Variants in FLRT2 observed in about 807,000 individuals in gnomAD.
FLRT2 encodes fibronectin leucine rich transmembrane protein 2, also known as leucine-rich repeat transmembrane protein FLRT2.
In FLRT2, 15 loss-of-function variants were observed where a neutral mutation model predicts 40.0. That is an observed-to-expected ratio of 0.38 (90% CI 0.25 to 0.58). The LOEUF (loss-of-function observed/expected upper bound fraction) is 0.58. Among genes scored for constraint, FLRT2 ranks in the 20% least tolerant of loss-of-function variants. FLRT2 has a pLI of 0.71. For synonymous variants in FLRT2, 380 were observed against 336.8 expected (o/e 1.13, Z -1.41); for missense variants, 726 against 840.0 (o/e 0.86, Z 1.68).
chr14:85,535,016 T>C (rs895326110), intron 1 of FLRT2, among the ~76,000 whole-genome samples: 15 of 152,202 alleles, frequency 9.9e-5, no homozygotes, highest in Non-Finnish European at 1.9e-4. Context: ...TTGTAAAGCT[T>C]ACAGTTAGCT....
chr14:85,613,775 C>T (rs1893003143), intron 1 of FLRT2, among the ~76,000 whole-genome samples: 1 of 152,118 alleles, frequency 6.6e-6, no homozygotes, highest in African/African-American at 2.4e-5. Context: ...AGGAGCAGGC[C>T]CTGCAGCCCA....
At chr14:85,532,259 C>T (rs1230356346) in intron 1 of FLRT2, among the ~76,000 whole-genome samples, 1 of 152,166 alleles carries the variant, frequency 6.6e-6, no homozygotes, top group Non-Finnish European at 1.5e-5. Context: ...GCCCCACCGA[C>T]GGCGCGTCTC....
chr14:85,533,312 C>T (rs1888406365), intron 1 of FLRT2, among the ~76,000 whole-genome samples: 1 of 152,056 alleles, frequency 6.6e-6, no homozygotes, highest in Non-Finnish European at 1.5e-5. Context: ...GTGGGGGCCG[C>T]GGCGCCTACA....
rs71120531 is a variant in FLRT2, at chr14:85,633,633, TAA to T, written c.*10152_*10153del. ...GGGCAATGCAGTGAGACCCTATCTC[TAA>T]AAAAAAAAAAAAAAATTAGCCAGGA... On this transcript the variant is annotated 3_prime_UTR_variant, in exon 2 of 2. Coordinates refer to ENST00000330753, the MANE Select transcript of FLRT2 (RefSeq NM_013231.6). The T allele has an allele frequency of 1.0e-3, 144 of 138,504 alleles. No homozygotes were observed. The highest frequency in any genetic ancestry group is 3.7e-3 in the Middle Eastern group (1 of 268). 8.6% of individuals were successfully genotyped at this position (138,504 alleles called of 1,614,324 possible).
rs1436445889 is a variant in FLRT2 at position 85,652,813 on chromosome 14, T to C, written c.*29316T>C. The C allele has an allele frequency of 6.7e-6, 1 of 148,652 alleles. No homozygotes were observed. Among genetic ancestry groups the C allele is most frequent in the African/African-American group, 2.4e-5 (1 of 41,340 alleles). The allele number at this position is 148,652 out of a possible 1,614,324, so 9.2% of individuals were successfully genotyped here. A position where few individuals can be genotyped will look rare whatever the true frequency, so the allele number is the denominator to read the frequency against. Reference sequence around the variant, plus strand: ...TTTCTTTTTCTATTATTTAAAAAAGTTTTTGCTTGGCAAATCTTCCCCTCT... The same window carrying C: ...TTTCTTTTTCTATTATTTAAAAAAGCTTTTGCTTGGCAAATCTTCCCCTCT... On this transcript the variant is annotated 3_prime_UTR_variant, in exon 2 of 2. Coordinates refer to ENST00000330753, the MANE Select transcript of FLRT2 (RefSeq NM_013231.6).
At chr14:85,618,250 T>TG (rs1442705820) in intron 1 of FLRT2, among the ~76,000 whole-genome samples, 17 of 152,218 alleles carry the variant, frequency 1.1e-4, no homozygotes, top group Non-Finnish European at 2.2e-4. Flanking sequence ...TATAAGACAA[T>TG]GTAGAAGTAT....
In FLRT2 at chr14:85,638,945, ATTCT is replaced by A. The variant is rs1236877799; in HGVS notation, c.*15451_*15454del. 1.3e-5 allele frequency: 2 copies of A among 152,266 alleles called. No individual in the cohort carries two copies. The highest frequency in any genetic ancestry group is 2.9e-5 in the Non-Finnish European group (2 of 68,046). 9.4% of individuals were successfully genotyped at this position (152,266 alleles called of 1,614,324 possible). A position where few individuals can be genotyped will look rare whatever the true frequency, so the allele number is the denominator to read the frequency against. ...GCAAACAAAAGTTAGCTAATAATCA[ATTCT>A]TTGAACGAAGCCCAGTGAAACCAAG... On this transcript the variant is annotated 3_prime_UTR_variant, in exon 2 of 2. Coordinates refer to ENST00000330753, the MANE Select transcript of FLRT2 (RefSeq NM_013231.6).
At chr14:85,582,831 C>G (rs1303367528) in intron 1 of FLRT2, among the ~76,000 whole-genome samples, 1 of 151,748 alleles carries the variant, frequency 6.6e-6, no homozygotes, top group East Asian at 1.9e-4. Flanking sequence ...TAGCGGCTAG[C>G]AGAAAGGACC....
chr14:85,531,770 T>C (rs1888295353), intron 1 of FLRT2, among the ~76,000 whole-genome samples: 1 of 152,138 alleles, frequency 6.6e-6, no homozygotes, highest in South Asian at 2.1e-4. Context: ...GGGGAGAAGA[T>C]GGGCTATGTA....
At chr14:85,545,770 T>C (rs1348848104) in intron 1 of FLRT2, among the ~76,000 whole-genome samples, 1 of 152,238 alleles carries the variant, frequency 6.6e-6, no homozygotes, top group African/African-American at 2.4e-5. Flanking sequence ...TTAGGGGCTA[T>C]ATTTATTGTA....
intron 1 of FLRT2, among the ~76,000 whole-genome samples, chr14:85,552,128 T>A (rs1369443802): frequency 6.6e-6 from 1 of 152,188 alleles, no homozygotes; most frequent in African/African-American, 2.4e-5. Context: ...TTCTGTCAAT[T>A]TACTGAACCT....
intron 1 of FLRT2, among the ~76,000 whole-genome samples, chr14:85,545,753 C>T (rs1889244656): frequency 6.6e-6 from 1 of 152,188 alleles, no homozygotes; most frequent in Non-Finnish European, 1.5e-5. Context: ...GGATACATGC[C>T]TAATGATTAG....
chr14:85,643,296 TTTC>T lies in FLRT2; in HGVS notation c.*19802_*19804del, dbSNP rs1566774389. 5.9e-3 allele frequency: 520 copies of T among 87,816 alleles called. 10 individuals are homozygous for T. The highest frequency in any genetic ancestry group is 0.017 in the South Asian group (37 of 2,122). 5.4% of individuals were successfully genotyped at this position (87,816 alleles called of 1,614,324 possible). On this transcript the variant is annotated 3_prime_UTR_variant, in exon 2 of 2. Coordinates refer to ENST00000330753, the MANE Select transcript of FLRT2 (RefSeq NM_013231.6). ...GTTCAGAGGGTATTTCTTTTTTTTC[TTTC>T]TTTCTTTCTTTCTTTCTTTCTTTCT...
chr14:85,540,338 T>G (rs1332781387), intron 1 of FLRT2, among the ~76,000 whole-genome samples: 1 of 152,192 alleles, frequency 6.6e-6, no homozygotes, highest in Non-Finnish European at 1.5e-5. Flanking sequence ...TATTTTGATG[T>G]TAGTGTCATT....
chr14:85,605,967 T>C (rs1010748979), intron 1 of FLRT2, among the ~76,000 whole-genome samples: 9 of 152,182 alleles, frequency 5.9e-5, no homozygotes, highest in Non-Finnish European at 1.3e-4. Context: ...GAAAGATTTG[T>C]AAGATTCTCT....
In FLRT2 at chr14:85,644,388, T is replaced by C. The variant is rs187235275; in HGVS notation, c.*20891T>C. On this transcript the variant is annotated 3_prime_UTR_variant, in exon 2 of 2. Transcript: ENST00000330753. ...TTCATTAACACGCCCCATGGAGATATCATGAATTACTCTCAGGCCCTTGAT... is the reference window on the plus strand; with the variant it reads ...TTCATTAACACGCCCCATGGAGATACCATGAATTACTCTCAGGCCCTTGAT... 1 of 152,296 alleles carries C rather than the reference T, an allele frequency of 6.6e-6. No individual in the cohort carries two copies. The highest frequency in any genetic ancestry group is 6.5e-5 in the Admixed American group (1 of 15,300). The allele number at this position is 152,296 out of a possible 1,614,324, so 9.4% of individuals were successfully genotyped here. A position where few individuals can be genotyped will look rare whatever the true frequency, so the allele number is the denominator to read the frequency against.
intron 1 of FLRT2, among the ~76,000 whole-genome samples, chr14:85,606,416 G>A (rs1049494961): frequency 2.0e-5 from 3 of 151,966 alleles, no homozygotes; most frequent in Non-Finnish European, 2.9e-5. Flanking sequence ...CCCTAAAATG[G>A]CAATGTAATA....
At chr14:85,533,521 C>T (rs543668068) in intron 1 of FLRT2, among the ~76,000 whole-genome samples, 216 of 152,216 alleles carry the variant, frequency 1.4e-3, no homozygotes, top group African/African-American at 5.0e-3. Context: ...CCTCCAAATC[C>T]GAGGAGCTCC....
chr14:85,554,895 C>T (rs1484709757), intron 1 of FLRT2, among the ~76,000 whole-genome samples: 1 of 152,242 alleles, frequency 6.6e-6, no homozygotes, highest in Non-Finnish European at 1.5e-5. Flanking sequence ...GTTTGCCGTC[C>T]TGCAGAGTCA....
Sources: gnomAD v4.1 joint callset for allele counts (sites outside exome capture counted in the v4.1 genomes callset) on GRCh38, gnomAD v4.1.1 for gene constraint, MANE v1.5 for transcripts, NCBI Gene and HGNC (gene_info 2026-07-23, HGNC 2026-07-21) for gene names.